ASIC2: variants seen among roughly 807,000 people sequenced by gnomAD.
ASIC2 encodes the protein acid-sensing ion channel 2.
In ASIC2, 25 loss-of-function variants were observed where a neutral mutation model predicts 57.3. The observed-to-expected ratio is 0.44, with a 90% CI of 0.32 to 0.61. The LOEUF is 0.61. Among genes scored for constraint, ASIC2 ranks in the 20% least tolerant of loss-of-function variants. The probability of loss-of-function intolerance (pLI) is 0.06; values close to 1 mark genes in which losing one functional copy is unlikely to be tolerated. For synonymous variants in ASIC2, 319 were observed against 307.5 expected (o/e 1.04, Z -0.39); for missense variants, 641 against 738.1 (o/e 0.87, Z 1.52).
At position 33,332,433 on chromosome 17, in the gene ASIC2, T is replaced by A. The variant is rs538563106; in HGVS notation, c.556-220366A>T. Among the ~76,000 whole-genome samples the A allele has an allele frequency of 3.9e-5, 6 of 152,356 alleles. 1 individual carries two copies. The South Asian group carries it at 1.2e-3, about 32-fold the overall frequency. On this transcript the variant is annotated intron_variant, in intron 1 of 9. Coordinates refer to the ASIC2 transcript ENST00000359872. ...GACCCTTTACATTTTTATTTTTTGG[T>A]ATCGAATCTTGGCGATCTGGTGTGT...
intron 1 of ASIC2, among the ~76,000 whole-genome samples, chr17:33,778,287 C>T (rs1911343808): frequency 6.6e-6 from 1 of 152,128 alleles, no homozygotes; most frequent in Non-Finnish European, 1.5e-5. Flanking sequence ...GGATGCTGAA[C>T]ACACTGGAAC....
intron 1 of ASIC2, among the ~76,000 whole-genome samples, chr17:33,579,028 G>A (rs1218883099): frequency 1.3e-5 from 2 of 152,124 alleles, no homozygotes; most frequent in Admixed American, 6.5e-5. Context: ...TCTCACTCCT[G>A]TAATCCCAGC....
intron 2 of ASIC2, among the ~76,000 whole-genome samples, chr17:33,104,921 C>T (rs1295091124): frequency 6.6e-6 from 1 of 152,160 alleles, no homozygotes; most frequent in Non-Finnish European, 1.5e-5. Context: ...ATTCTAATAC[C>T]TTGTTAGCAA....
chr17:34,130,236 A>G (rs928717793), intron 1 of ASIC2, among the ~76,000 whole-genome samples: 3 of 143,900 alleles, frequency 2.1e-5, no homozygotes, highest in Non-Finnish European at 4.6e-5. Flanking sequence ...CCATGACTTC[A>G]CCCAGCAAAG....
At chr17:33,547,393 C>T (rs1259020436) in intron 1 of ASIC2, among the ~76,000 whole-genome samples, 1 of 152,158 alleles carries the variant, frequency 6.6e-6, no homozygotes, top group Non-Finnish European at 1.5e-5. Context: ...TCCTTCAAAG[C>T]ACTATCCCAG....
chr17:33,286,701 C>T (rs1382028481), intron 1 of ASIC2, among the ~76,000 whole-genome samples: 1 of 152,114 alleles, frequency 6.6e-6, no homozygotes, highest in East Asian at 1.9e-4. Context: ...GCTGAGATAC[C>T]ACCTCCTCCA....
chr17:34,084,900 CTT>C (rs1308728928), intron 1 of ASIC2, among the ~76,000 whole-genome samples: 2 of 152,202 alleles, frequency 1.3e-5, no homozygotes, highest in African/African-American at 4.8e-5. Context: ...TATCCTGAGA[CTT>C]TGCTGAAGTT....
chr17:33,078,265 C>T (rs1182083796), intron 3 of ASIC2, among the ~76,000 whole-genome samples: 2 of 151,958 alleles, frequency 1.3e-5, no homozygotes, highest in Non-Finnish European at 2.9e-5. Context: ...GCCAGTTCTC[C>T]CTGGAGATGC....
At chr17:33,749,998 C>T (rs1910380206) in intron 1 of ASIC2, among the ~76,000 whole-genome samples, 1 of 152,166 alleles carries the variant, frequency 6.6e-6, no homozygotes, top group African/African-American at 2.4e-5. Context: ...CTGTGGGGAC[C>T]AGCCTCCCTC....
At chr17:33,472,020 C>CTT (rs58443184) in intron 1 of ASIC2, among the ~76,000 whole-genome samples, 1 of 139,486 alleles carries the variant, frequency 7.2e-6, no homozygotes, top group Admixed American at 7.2e-5. Flanking sequence ...AGGGACTTTT[C>CTT]TTTTTTTTTT....
At chr17:33,263,919 A>G (rs1391140536) in intron 1 of ASIC2, among the ~76,000 whole-genome samples, 2 of 151,076 alleles carry the variant, frequency 1.3e-5, no homozygotes, top group Non-Finnish European at 2.9e-5. Context: ...CCCAAGTCGC[A>G]GGGCTGGGAG....
At chr17:33,350,466 G>A (rs1312966312) in intron 1 of ASIC2, among the ~76,000 whole-genome samples, 5 of 152,210 alleles carry the variant, frequency 3.3e-5, no homozygotes, top group Admixed American at 2.0e-4. Flanking sequence ...GATCATCCGA[G>A]GTCAGGAGTT....
chr17:34,106,517 G>A (rs1384184210), intron 1 of ASIC2, among the ~76,000 whole-genome samples: 2 of 152,148 alleles, frequency 1.3e-5, no homozygotes, highest in Middle Eastern at 3.4e-3. Context: ...CTGCATGTAT[G>A]TATGTATGCA....
intron 1 of ASIC2, among the ~76,000 whole-genome samples, chr17:33,502,737 G>T (rs900725828): frequency 6.6e-6 from 1 of 152,094 alleles, no homozygotes; most frequent in Non-Finnish European, 1.5e-5. Context: ...CCCAGTGTCC[G>T]CATCCTTAAA....
intron 1 of ASIC2, among the ~76,000 whole-genome samples, chr17:33,813,434 T>C (rs947664448): frequency 1.3e-5 from 2 of 151,920 alleles, no homozygotes; most frequent in African/African-American, 4.8e-5. Context: ...AGTTTTTTTG[T>C]TTTTGATTTT....
At chr17:33,423,858 C>T (rs1196859457) in intron 1 of ASIC2, among the ~76,000 whole-genome samples, 2 of 152,206 alleles carry the variant, frequency 1.3e-5, no homozygotes, top group Non-Finnish European at 2.9e-5. Context: ...GCTGCTCATT[C>T]ACAGGGGCAG....
chr17:33,905,815 T>A (rs1567752205), intron 1 of ASIC2, among the ~76,000 whole-genome samples: 1 of 151,920 alleles, frequency 6.6e-6, no homozygotes, highest in Non-Finnish European at 1.5e-5. Context: ...AGTTCTTTTT[T>A]TGTTTGTTTT....
chr17:34,150,856 TG>T (rs1480996057), intron 1 of ASIC2, among the ~76,000 whole-genome samples: 1 of 152,172 alleles, frequency 6.6e-6, no homozygotes, highest in Non-Finnish European at 1.5e-5. Flanking sequence ...GGCTCACACC[TG>T]TAATCCTAGC....
At chr17:33,231,877 G>T (rs536732217) in intron 1 of ASIC2, among the ~76,000 whole-genome samples, 1 of 152,172 alleles carries the variant, frequency 6.6e-6, no homozygotes, top group African/African-American at 2.4e-5. Context: ...TGGGGAGGGG[G>T]TGAGCAGGGA....
Sources: gnomAD v4.1 joint callset for allele counts (sites outside exome capture counted in the v4.1 genomes callset) on GRCh38, gnomAD v4.1.1 for gene constraint, MANE v1.5 for transcripts, NCBI Gene and HGNC (gene_info 2026-07-23, HGNC 2026-07-21) for gene names.